Variants in STON1 observed in about 807,000 individuals in gnomAD.
STON1 encodes stonin-1.
STON1 carries 79 observed loss-of-function variants against 60.9 expected under a neutral mutation model. That is an observed-to-expected ratio of 1.30 (90% confidence interval 1.08 to 1.56). The LOEUF (loss-of-function observed/expected upper bound fraction) is 1.56, where lower values mean the gene tolerates loss of function less well. STON1 is among the 40% of genes most tolerant of loss of function. STON1 has a pLI of 0.00. For missense variants in STON1, 1,166 were observed against 858.9 expected, an observed-to-expected ratio of 1.36 and a Z score of -4.47; for synonymous variants, 363 against 306.9, an observed-to-expected ratio of 1.18 and a Z score of -1.91.
chr2:48,560,836 G>C (rs1337702333), intron 1 of STON1, among the ~76,000 whole-genome samples: 1 of 152,170 alleles, frequency 6.6e-6, no homozygotes, highest in Non-Finnish European at 1.5e-5. Context: ...CTTGCTTCCA[G>C]ACTGGCAGCC....
At chr2:48,545,860 A>C (rs1434273087) in intron 1 of STON1, among the ~76,000 whole-genome samples, 2 of 152,082 alleles carry the variant, frequency 1.3e-5, no homozygotes, top group East Asian at 3.8e-4. Context: ...CCTACATATC[A>C]CAATTGGTCA....
chr2:48,571,643 C>G (rs1673214578), intron 1 of STON1, among the ~76,000 whole-genome samples: 2 of 152,152 alleles, frequency 1.3e-5, no homozygotes, highest in South Asian at 4.1e-4. Context: ...TCTTATCTCT[C>G]GGAGACCCAA....
At chr2:48,586,189 G>T (rs751469288) in intron 2 of STON1, among the ~76,000 whole-genome samples, 2 of 152,202 alleles carry the variant, frequency 1.3e-5, no homozygotes, top group Non-Finnish European at 2.9e-5. Flanking sequence ...AAATGATCCT[G>T]TTTATAATAC....
At chr2:48,560,290 G>A (rs1444815607) in intron 1 of STON1, among the ~76,000 whole-genome samples, 1 of 152,192 alleles carries the variant, frequency 6.6e-6, no homozygotes, top group Non-Finnish European at 1.5e-5. Context: ...ACGCTCTTCA[G>A]CTAACTTGAT....
Position 48,581,054 on chromosome 2 carries a change from T to C in STON1, c.421T>C (p.Ser141Pro), listed in dbSNP as rs773405469. The C allele has an allele frequency of 2.1e-5, 33 of 1,592,862 alleles. No individual in the cohort carries two copies. The highest frequency in any genetic ancestry group is 2.6e-6 in the Non-Finnish European group (3 of 1,171,704). ...CCATGCCTTGTTACCCAGTGACCACTCATGTACACATCCAACTCCCAAAGT... is the reference window on the plus strand; with the variant it reads ...CCATGCCTTGTTACCCAGTGACCACCCATGTACACATCCAACTCCCAAAGT... The part of the protein sequence containing the change: ...LSHALLPSDH[S>P]CTHPTPKVGL... The change falls in exon 2 of 4, where the codon TCA becomes CCA. Residue 141 changes from serine (S) to proline (P), a missense_variant. Physicochemically the swap from Ser to Pro is moderately conservative, Grantham distance 74. Transcript: ENST00000404752.
At position 48,595,860 on chromosome 2, in the gene STON1, G is replaced by T. The variant is rs76405918; in HGVS notation, c.*558G>T. The T allele has an allele frequency of 6.6e-6, 1 of 152,440 alleles. No homozygotes were observed. Among genetic ancestry groups the T allele is most frequent in the Admixed American group, 6.5e-5 (1 of 15,284 alleles). 9.4% of individuals were successfully genotyped at this position (152,440 alleles called of 1,614,324 possible). A position where few individuals can be genotyped will look rare whatever the true frequency, so the allele number is the denominator to read the frequency against. ...TTACTTATTTACCTGTCCTCTTACC[G>T]TTGGTAAATAATAATTGGCTATATT... On this transcript the variant is annotated 3_prime_UTR_variant, in exon 4 of 4. Transcript: ENST00000404752.
At position 48,595,248 on chromosome 2, in the gene STON1, G is replaced by T. The variant is rs147219820; in HGVS notation, c.2154G>T (p.Trp718Cys). 7.3e-5 allele frequency: 118 copies of T among 1,613,830 alleles called. No homozygotes were observed. The Admixed American group carries it at 1.9e-3, about 26-fold the overall frequency. The change falls in exon 4 of 4, where the codon TGG (tryptophan) becomes TGT (cysteine). Residue 718 changes from tryptophan (W) to cysteine (C), a missense_variant. Coordinates refer to ENST00000404752, the MANE Select transcript of STON1 (RefSeq NM_006873.4). ...YNIQVEIEKK[W>C]IKIDGEDPDK... ...AACAGGTTGAAATAGAAAAGAAGTG[G>T]ATTAAAATCGATGGAGAAGACCCAG...
chr2:48,537,619 C>T (rs974464127), intron 1 of STON1, among the ~76,000 whole-genome samples: 10 of 152,014 alleles, frequency 6.6e-5, no homozygotes, highest in African/African-American at 1.9e-4. Context: ...GAGGCCGAGG[C>T]GAGCTGATCA....
rs569670316 is a variant in STON1, at chr2:48,553,874, C to G, written c.-48+23658C>G. Among the ~76,000 whole-genome samples, 3 of 152,296 alleles carry G rather than the reference C, an allele frequency of 2.0e-5. No individual in the cohort carries two copies. The East Asian group carries it at 5.8e-4, about 29-fold the overall frequency. ...AACTGCTTGATAGCAGTGACTTGTTCAAACTTACAAAGGCAGAGAGAAGCA... is the reference window on the plus strand; with the variant it reads ...AACTGCTTGATAGCAGTGACTTGTTGAAACTTACAAAGGCAGAGAGAAGCA... On this transcript the variant is annotated intron_variant, in intron 1 of 3. Coordinates refer to ENST00000404752, the MANE Select transcript of STON1 (RefSeq NM_006873.4).
At chr2:48,564,491 T>TC (rs1558604956) in intron 1 of STON1, among the ~76,000 whole-genome samples, 5 of 20,410 alleles carry the variant, frequency 2.4e-4, no homozygotes, top group South Asian at 4.9e-3. Flanking sequence ...TTCTTCTTCT[T>TC]CTTCTTCTTC....
chr2:48,551,665 C>T (rs1219439188), intron 1 of STON1, among the ~76,000 whole-genome samples: 1 of 152,268 alleles, frequency 6.6e-6, no homozygotes, highest in Non-Finnish European at 1.5e-5. Flanking sequence ...CAGTTAGTCT[C>T]CCGCATTTTC....
chr2:48,576,193 T>C (rs1314621284), intron 1 of STON1, among the ~76,000 whole-genome samples: 3 of 121,732 alleles, frequency 2.5e-5, no homozygotes, highest in Admixed American at 8.3e-5. Flanking sequence ...TTCTTTTTTT[T>C]TTTTTTTTTT....
intron 1 of STON1, among the ~76,000 whole-genome samples, chr2:48,548,639 C>T (rs182230018): frequency 6.6e-5 from 10 of 152,082 alleles, no homozygotes; most frequent in Admixed American, 6.6e-4. Context: ...ACTGGGATTA[C>T]AGGCGTGCAC....
intron 3 of STON1, 102 bp downstream of exon 3, chr2:48,591,957 T>G: frequency 6.9e-7 from 1 of 1,451,644 alleles, no homozygotes; most frequent in Non-Finnish European, 9.2e-7. Flanking sequence ...TGTATATGTG[T>G]GGTGAGATTT....
chr2:48,561,794 A>G (rs1672624624), intron 1 of STON1, among the ~76,000 whole-genome samples: 1 of 152,184 alleles, frequency 6.6e-6, no homozygotes, highest in Non-Finnish European at 1.5e-5. Flanking sequence ...GGTAATGAAT[A>G]TTAACCCAGG....
rs559381617 is a variant in STON1, at chr2:48,582,430, C to G, written c.1797C>G (p.Arg599=). 6.2e-7 allele frequency: 1 copy of G among 1,614,174 alleles called. No homozygotes were observed. The highest frequency in any genetic ancestry group is 8.5e-7 in the Non-Finnish European group (1 of 1,180,042). The change falls in exon 2 of 4, where the codon CGC becomes CGG. Residue 599 remains arginine (R), a synonymous_variant. Transcript: ENST00000404752. ...AGTCTCTGAAAGCTAAAATGAACCG[C>G]CGAGCATGTCTGGGGAGTTTACAGG... is the stretch of plus-strand genomic sequence containing the variant. The part of the protein sequence containing the change: ...RQKSLKAKMN[R]RACLGSLQEL...
At chr2:48,536,314 A>T (rs1335426544) in intron 1 of STON1, among the ~76,000 whole-genome samples, 1 of 152,004 alleles carries the variant, frequency 6.6e-6, no homozygotes, top group South Asian at 2.1e-4. Flanking sequence ...TTGGGAGGCC[A>T]AGGTGGGCAG....
At chr2:48,557,026 A>C (rs1396093377) in intron 1 of STON1, among the ~76,000 whole-genome samples, 6 of 69,888 alleles carry the variant, frequency 8.6e-5, no homozygotes, top group Non-Finnish European at 1.4e-4. Flanking sequence ...GGGGGGGCTG[A>C]CCCCCCACCT....
chr2:48,590,534 G>A (rs746093895), intron 2 of STON1, among the ~76,000 whole-genome samples: 15 of 151,874 alleles, frequency 9.9e-5, no homozygotes, highest in Non-Finnish European at 1.8e-4. Context: ...AGTAAAGATA[G>A]CCACATTAGA....
Sources: gnomAD v4.1 joint callset for allele counts (sites outside exome capture counted in the v4.1 genomes callset) on GRCh38, gnomAD v4.1.1 for gene constraint, MANE v1.5 for transcripts, NCBI Gene and HGNC (gene_info 2026-07-23, HGNC 2026-07-21) for gene names.